COL18A1: variants seen among roughly 807,000 people sequenced by gnomAD.
The protein encoded by COL18A1 is collagen alpha-1(XVIII) chain.
In COL18A1, 133 loss-of-function variants were observed where a neutral mutation model predicts 168.0. That is an observed-to-expected ratio of 0.79 (90% CI 0.69 to 0.91). The LOEUF is 0.91. Among genes scored for constraint, COL18A1 ranks in the 40% least tolerant of loss-of-function variants. COL18A1 has a pLI of 0.00. For synonymous variants in COL18A1, 949 were observed against 809.0 expected (o/e 1.17, Z -2.94); for missense variants, 2,126 against 1,925.4 (o/e 1.10, Z -1.95).
At chr21:45,427,544 G>C (rs1169734981) in intron 2 of COL18A1, among the ~76,000 whole-genome samples, 1 of 152,218 alleles carries the variant, frequency 6.6e-6, no homozygotes, top group Non-Finnish European at 1.5e-5. Context: ...GGCCACCCCT[G>C]CTCTTGACCT....
At position 45,479,348 on chromosome 21, in the gene COL18A1, TAC is replaced by T. The variant is rs756792078; in HGVS notation, c.1249-547_1249-546del. Among the ~76,000 whole-genome samples, 164 of 140,728 alleles carry T rather than the reference TAC, an allele frequency of 1.2e-3. 1 individual carries two copies. Among genetic ancestry groups the T allele is most frequent in the Non-Finnish European group, 2.2e-3 (138 of 63,856 alleles). 92.3% of individuals were successfully genotyped at this position (140,728 alleles called of 152,430 possible). A position where few individuals can be genotyped will look rare whatever the true frequency, so the allele number is the denominator to read the frequency against. On this transcript the variant is annotated intron_variant, in intron 9 of 41. Coordinates refer to ENST00000651438, the MANE Select transcript of COL18A1 (RefSeq NM_001379500.1). The stretch of plus-strand genomic sequence containing the variant: ...CGTGGATACACTTGCATACACACAC[TAC>T]ACACACGTGTGTGCACACACACCAC...
At position 45,456,090 on chromosome 21, in the gene COL18A1, C is replaced by A. The variant is rs142892701; in HGVS notation, c.107-12152C>A. On this transcript the variant is annotated intron_variant, in intron 2 of 41. Coordinates refer to ENST00000651438, the MANE Select transcript of COL18A1 (RefSeq NM_001379500.1). ...GGCGCCCACACAACCGAGGCTGGCA[C>A]CTTGCCTGCACCCACCCCATCGCCT... is the stretch of plus-strand genomic sequence containing the variant. 3.1e-6 allele frequency: 5 copies of A among 1,599,660 alleles called. No individual in the cohort carries two copies. Among genetic ancestry groups the A allele is most frequent in the Non-Finnish European group, 4.3e-6 (5 of 1,170,900 alleles).
intron 27 of COL18A1, 29 bp from the exon 28 acceptor site, chr21:45,494,833 C>T (rs763495553): frequency 2.5e-4 from 394 of 1,595,398 alleles, no homozygotes; most frequent in Non-Finnish European, 3.1e-4. Context: ...GGGTCTGCCC[C>T]ACTAAGCCTG....
At chr21:45,456,100 A>G in intron 2 of COL18A1, 1 of 1,593,532 alleles carries the variant, frequency 6.3e-7, no homozygotes, top group South Asian at 1.1e-5. Flanking sequence ...CCTTGCCTGC[A>G]CCCACCCCAT....
chr21:45,509,640 C>T (rs1346731918), intron 39 of COL18A1, 39 bp downstream of exon 39: 23 of 1,077,950 alleles, frequency 2.1e-5, no homozygotes, highest in Non-Finnish European at 2.6e-5. Flanking sequence ...TCCATCTAGC[C>T]CCTCGGCTCT....
At position 45,486,873 on chromosome 21, in the gene COL18A1, GC is replaced by G. The variant is rs1160950245; in HGVS notation, c.1719del (p.Gly574ValfsTer150). 11 of 1,528,318 alleles carry G rather than the reference GC, an allele frequency of 7.2e-6. No individual in the cohort carries two copies. Among genetic ancestry groups the G allele is most frequent in the Admixed American group, 4.0e-5 (2 of 49,526 alleles). The allele number at this position is 1,528,318 out of a possible 1,614,324, so 94.7% of individuals were successfully genotyped here. A position where few individuals can be genotyped will look rare whatever the true frequency, so the allele number is the denominator to read the frequency against. ...GAPGHKGSKGAPGPAGARGES... is the reference protein window; with the variant it reads ...GAPGHKGSKGXPGPAGARGES... ...TCACCCCACGCAGGGGAGCAAGGGA[GC>G]CCCCGGTCCTGCTGGTGCTCGTGGG... On this transcript the variant is annotated frameshift_variant, in exon 16 of 42. Transcript: ENST00000651438. LOFTEE classifies it high-confidence loss of function.
chr21:45,470,481 G>GTT (rs1260989970), intron 3 of COL18A1, among the ~76,000 whole-genome samples: 27 of 77,788 alleles, frequency 3.5e-4, no homozygotes, highest in South Asian at 8.5e-4. Context: ...TTTTTTGTGG[G>GTT]TTTTTTTTTT....
chr21:45,434,623 C>T (rs1449738740), intron 2 of COL18A1, among the ~76,000 whole-genome samples: 4 of 145,482 alleles, frequency 2.7e-5, no homozygotes, highest in Non-Finnish European at 5.9e-5. Flanking sequence ...TGCATCTTCT[C>T]CTCAGAGGGT....
chr21:45,477,564 C>T lies in COL18A1; in HGVS notation c.1005+77C>T, dbSNP rs2145923929. ...GCCTTTTGGGCCACTCACTGGTGAG[C>T]CCTGATGAAGCCCCTCTGTGCCCGT... On this transcript the variant is annotated intron_variant, in intron 7 of 41. Transcript: ENST00000651438. 3.5e-6 allele frequency: 5 copies of T among 1,418,292 alleles called. No individual in the cohort carries two copies. The South Asian group carries it at 6.1e-5, about 17-fold the overall frequency. The allele number at this position is 1,418,292 out of a possible 1,614,324, so 87.9% of individuals were successfully genotyped here. A position where few individuals can be genotyped will look rare whatever the true frequency, so the allele number is the denominator to read the frequency against.
Position 45,498,259 on chromosome 21 carries a change from A to G in COL18A1, c.2683+598A>G. On this transcript the variant is annotated intron_variant, in intron 32 of 41. Coordinates refer to ENST00000651438, the MANE Select transcript of COL18A1 (RefSeq NM_001379500.1). This position sits in a 1 kb window ranked among gnomAD's most constrained non-coding sequence, Gnocchi z 4.5. The stretch of plus-strand genomic sequence containing the variant: ...GGGGGCTGGCAGAGCAGAAGCCCAG[A>G]GAGCCAGGCTAGCCTCGGGCGCCTT... 1 of 705,654 alleles carries G rather than the reference A, an allele frequency of 1.4e-6. No homozygotes were observed. Among genetic ancestry groups the G allele is most frequent in the South Asian group, 1.5e-5 (1 of 67,560 alleles). 43.7% of individuals were successfully genotyped at this position (705,654 alleles called of 1,614,324 possible).
intron 32 of COL18A1, among the ~76,000 whole-genome samples, chr21:45,503,242 T>G (rs1239411019): frequency 2.6e-5 from 4 of 151,418 alleles, no homozygotes; most frequent in African/African-American, 4.9e-5. Flanking sequence ...GTTGTTTCCT[T>G]ACTTTTTAAC....
rs142726108 is a variant in COL18A1 at position 45,482,789 on chromosome 21, G to T, written c.1675-6G>T. ...TTTTGTCATAATCCTGCTCTTTTCC[G>T]TACAGGGTGAAGCAGGCGCCCCAGG... On this transcript the variant is annotated splice_polypyrimidine_tract_variant and splice_region_variant and intron_variant, in intron 14 of 41. Coordinates refer to ENST00000651438, the MANE Select transcript of COL18A1 (RefSeq NM_001379500.1). 6.2e-7 allele frequency: 1 copy of T among 1,614,166 alleles called. No individual in the cohort carries two copies. Among genetic ancestry groups the T allele is most frequent in the South Asian group, 1.1e-5 (1 of 91,086 alleles).
intron 13 of COL18A1, 134 bp downstream of exon 13, chr21:45,480,992 C>T: frequency 7.4e-7 from 1 of 1,350,506 alleles, no homozygotes; most frequent in Non-Finnish European, 1.0e-6. Flanking sequence ...CCTCTAGGAG[C>T]TGGCGGGCAG....
At position 45,512,540 on chromosome 21, in the gene COL18A1, C is replaced by T. The variant is rs933204493; in HGVS notation, c.*142C>T. The T allele has an allele frequency of 2.6e-6, 2 of 757,070 alleles. No individual in the cohort carries two copies. The highest frequency in any genetic ancestry group is 1.8e-5 in the African/African-American group (1 of 56,648). 46.9% of individuals were successfully genotyped at this position (757,070 alleles called of 1,614,324 possible). ...TATAGTTCACGTTTCATGTAATCCTCAAGAAATAAAAGGAAGCCAAAGAGT... is the reference window on the plus strand; with the variant it reads ...TATAGTTCACGTTTCATGTAATCCTTAAGAAATAAAAGGAAGCCAAAGAGT... On this transcript the variant is annotated 3_prime_UTR_variant, in exon 42 of 42. Transcript: ENST00000651438.
intron 22 of COL18A1, among the ~76,000 whole-genome samples, chr21:45,491,722 C>T (rs2036361158): frequency 6.6e-6 from 1 of 152,210 alleles, no homozygotes; most frequent in Non-Finnish European, 1.5e-5. Flanking sequence ...CCCACTGCGG[C>T]CCGTCCATCA....
intron 3 of COL18A1, among the ~76,000 whole-genome samples, chr21:45,469,139 C>A (rs1270941643): frequency 6.6e-6 from 1 of 152,210 alleles, no homozygotes; most frequent in South Asian, 2.1e-4. Flanking sequence ...AGACATCCAC[C>A]CCAGCCGTGA....
At chr21:45,431,734 G>A (rs1055169625) in intron 2 of COL18A1, among the ~76,000 whole-genome samples, 5 of 152,178 alleles carry the variant, frequency 3.3e-5, no homozygotes, top group Non-Finnish European at 5.9e-5. Flanking sequence ...TGCGGCTCTC[G>A]GTGTCTGCCA....
rs1041803480 is a variant in COL18A1 at position 45,468,628 on chromosome 21, T to C, written c.493T>C (p.Leu165=). The part of the protein sequence containing the change: ...LPAFVGQWTH[L]ALSVAGGFVA... ...CGCCTTCGTCGGCCAGTGGACACAC[T>C]TAGCCCTCAGTGTGGCAGGTGGCTT... is the stretch of plus-strand genomic sequence containing the variant. Residue 165 remains leucine (L), a synonymous_variant, in exon 3 of 42, where the codon TTA becomes CTA. Coordinates refer to ENST00000651438, the MANE Select transcript of COL18A1 (RefSeq NM_001379500.1). 1 of 1,614,034 alleles carries C rather than the reference T, an allele frequency of 6.2e-7. No homozygotes were observed.
At chr21:45,456,291 GC>G in intron 2 of COL18A1, 4 of 1,563,956 alleles carry the variant, frequency 2.6e-6, no homozygotes, top group East Asian at 2.4e-5. Context: ...CAGCTCCAAC[GC>G]CCTGACGTCC....
Sources: gnomAD v4.1 joint callset for allele counts (sites outside exome capture counted in the v4.1 genomes callset) on GRCh38, gnomAD v4.1.1 for gene constraint, Gnocchi (gnomAD v3.1) non-coding constraint, MANE v1.5 for transcripts, NCBI Gene and HGNC (gene_info 2026-07-23, HGNC 2026-07-21) for gene names.